DHX40: variants seen among roughly 807,000 people sequenced by gnomAD.
DHX40 encodes the protein probable ATP-dependent RNA helicase DHX40.
A neutral mutation model predicts 89.6 loss-of-function variants in DHX40; 28 were observed. The observed-to-expected ratio is 0.31, with a 90% CI of 0.23 to 0.43. DHX40 has a LOEUF of 0.43. Among genes scored for constraint, DHX40 ranks in the 20% least tolerant of loss-of-function variants. The pLI is 1.00. For missense variants in DHX40, 457 were observed against 844.0 expected, an observed-to-expected ratio of 0.54 and a Z score of 5.68; for synonymous variants, 226 against 283.6, an observed-to-expected ratio of 0.80 and a Z score of 2.04.
chr17:59,590,755 C>G (rs1456242837), intron 12 of DHX40, among the ~76,000 whole-genome samples: 1 of 151,860 alleles, frequency 6.6e-6, no homozygotes, highest in Non-Finnish European at 1.5e-5. Flanking sequence ...CAGGCCTGAG[C>G]CATTGCACCC....
intron 8 of DHX40, among the ~76,000 whole-genome samples, chr17:59,577,726 C>T (rs1166015917): frequency 6.6e-6 from 1 of 152,108 alleles, no homozygotes; most frequent in Non-Finnish European, 1.5e-5. Flanking sequence ...TAGCTGGGAC[C>T]ACAGGCATGT....
intron 5 of DHX40, 98 bp downstream of exon 5, chr17:59,574,065 C>T: frequency 3.9e-6 from 3 of 770,192 alleles, no homozygotes; most frequent in African/African-American, 2.3e-5. Context: ...ATTTTAATGA[C>T]AGTCCTCACA....
chr17:59,570,292 T>C (rs1408250463), intron 2 of DHX40, among the ~76,000 whole-genome samples: 1 of 134,144 alleles, frequency 7.5e-6, no homozygotes, highest in Non-Finnish European at 1.5e-5. Context: ...ATTATATATA[T>C]TTATATATTA....
intron 12 of DHX40, among the ~76,000 whole-genome samples, chr17:59,594,757 C>G (rs1364961954): frequency 6.6e-6 from 1 of 152,020 alleles, no homozygotes; most frequent in African/African-American, 2.4e-5. Flanking sequence ...TCTTCCCTAC[C>G]GAGTAGCATT....
intron 14 of DHX40, among the ~76,000 whole-genome samples, chr17:59,601,052 C>T (rs968501562): frequency 2.0e-5 from 3 of 151,352 alleles, no homozygotes; most frequent in East Asian, 1.9e-4. Context: ...GCCTATAATC[C>T]TAGCACTTTG....
At chr17:59,572,474 G>A (rs1209377723) in intron 3 of DHX40, among the ~76,000 whole-genome samples, 1 of 152,132 alleles carries the variant, frequency 6.6e-6, no homozygotes, top group African/African-American at 2.4e-5. Context: ...CGCCTCTCAG[G>A]CTCAAGCAGT....
At chr17:59,601,258 G>C (rs1011282588) in intron 14 of DHX40, among the ~76,000 whole-genome samples, 2 of 152,066 alleles carry the variant, frequency 1.3e-5, no homozygotes, top group African/African-American at 4.8e-5. Context: ...ACAGTGAGCT[G>C]TGATCACACA....
At chr17:59,600,974 A>G (rs1195849851) in intron 14 of DHX40, among the ~76,000 whole-genome samples, 1 of 148,942 alleles carries the variant, frequency 6.7e-6, no homozygotes, top group Non-Finnish European at 1.5e-5. Flanking sequence ...TTATCATCCC[A>G]TACTATAATA....
chr17:59,607,729 A>G lies in DHX40; in HGVS notation c.*557A>G, dbSNP rs565641855. The G allele has an allele frequency of 1.3e-5, 2 of 154,762 alleles. No individual in the cohort carries two copies. The highest frequency in any genetic ancestry group is 4.8e-5 in the African/African-American group (2 of 41,614). 9.6% of individuals were successfully genotyped at this position (154,762 alleles called of 1,614,324 possible). ...AGATATTTAGAGAAAAGACTTAATC[A>G]ATTAGTAAATAAAATTGCCTATGGC... On this transcript the variant is annotated 3_prime_UTR_variant, in exon 18 of 18. Coordinates refer to ENST00000251241, the MANE Select transcript of DHX40 (RefSeq NM_024612.5).
chr17:59,592,196 A>G (rs1240557791), intron 12 of DHX40, among the ~76,000 whole-genome samples: 1 of 151,820 alleles, frequency 6.6e-6, no homozygotes, highest in Non-Finnish European at 1.5e-5. Flanking sequence ...TAACTTTGAT[A>G]CAATATTATT....
intron 13 of DHX40, 117 bp downstream of exon 13, chr17:59,598,968 A>G: frequency 1.7e-6 from 1 of 597,280 alleles, no homozygotes; most frequent in Admixed American, 3.1e-5. Flanking sequence ...ACTTCAAGGT[A>G]TTTTGAATTT....
intron 3 of DHX40, among the ~76,000 whole-genome samples, chr17:59,571,122 G>A (rs1314254878): frequency 6.6e-6 from 1 of 151,688 alleles, no homozygotes; most frequent in Non-Finnish European, 1.5e-5. Flanking sequence ...ACTTAAAATC[G>A]ACCATTTTAC....
In DHX40 at chr17:59,573,750, T is replaced by G. The variant is rs1315689411; in HGVS notation, c.557T>G (p.Phe186Cys). The G allele has an allele frequency of 6.2e-7, 1 of 1,613,876 alleles. No homozygotes were observed. The highest frequency in any genetic ancestry group is 1.3e-5 in the African/African-American group (1 of 74,906). Reference sequence around the variant, plus strand: ...TTACTTTTCTTTCAGGATATCTTATTTGGTTTATTGAAGAAGCTATTTCAG... The same window carrying G: ...TTACTTTTCTTTCAGGATATCTTATGTGGTTTATTGAAGAAGCTATTTCAG... Reference protein sequence around the residue: ...HERTLTTDILFGLLKKLFQEK... With the variant: ...HERTLTTDILCGLLKKLFQEK... Residue 186 changes from phenylalanine to cysteine, a missense_variant, in exon 5 of 18, where the codon TTT becomes TGT. Physicochemically the swap from Phe to Cys is radical, Grantham distance 205 (BLOSUM62 -2). Around this residue, in one of 9 missense-constraint regions of DHX40, gnomAD observed 116 missense variants for 188.9 expected, o/e 0.61. Transcript: ENST00000251241.
chr17:59,570,160 A>G (rs1324285598), intron 2 of DHX40, among the ~76,000 whole-genome samples: 2 of 126,912 alleles, frequency 1.6e-5, no homozygotes, highest in South Asian at 2.2e-4. Flanking sequence ...TATAATACAT[A>G]TAATATGTTA....
rs751720073 is a variant in DHX40, at chr17:59,587,917, G to C, written c.1446G>C (p.Leu482Phe). 1.9e-6 allele frequency: 3 copies of C among 1,613,164 alleles called. No individual in the cohort carries two copies. The highest frequency in any genetic ancestry group is 2.5e-6 in the Non-Finnish European group (3 of 1,179,570). Reference sequence around the variant, plus strand: ...TAAGGAGTGGCCATGTCACCAGATTGGGTTTGTCTATGGTGGAGTTTCCTT... The same window carrying C: ...TAAGGAGTGGCCATGTCACCAGATTCGGTTTGTCTATGGTGGAGTTTCCTT... ...AIDRSGHVTR[L>F]GLSMVEFPLP... Residue 482 changes from leucine (L) to phenylalanine (F), a missense_variant, in exon 12 of 18, where the codon TTG becomes TTC. Coordinates refer to ENST00000251241, the MANE Select transcript of DHX40 (RefSeq NM_024612.5).
chr17:59,591,578 T>C (rs1238973440), intron 12 of DHX40, among the ~76,000 whole-genome samples: 1 of 150,886 alleles, frequency 6.6e-6, no homozygotes, highest in African/African-American at 2.4e-5. Context: ...CAGTGTGGTG[T>C]TAGCCTTTTT....
intron 12 of DHX40, among the ~76,000 whole-genome samples, chr17:59,598,489 A>G (rs919914370): frequency 2.6e-5 from 4 of 152,058 alleles, no homozygotes; most frequent in Non-Finnish European, 5.9e-5. Flanking sequence ...TACAAATACT[A>G]TTTTTAAAAG....
intron 3 of DHX40, among the ~76,000 whole-genome samples, chr17:59,572,267 G>A (rs903983310): frequency 1.3e-5 from 2 of 152,106 alleles, no homozygotes; most frequent in Non-Finnish European, 2.9e-5. Flanking sequence ...CTATCTTTTT[G>A]CCTTCCTAGT....
chr17:59,570,067 T>A (rs866650751), intron 2 of DHX40, among the ~76,000 whole-genome samples: 14 of 93,618 alleles, frequency 1.5e-4, no homozygotes, highest in African/African-American at 8.2e-4. Context: ...ATACATTATA[T>A]TATAATGTAT....
Sources: allele counts gnomAD v4.1 joint callset (sites outside exome capture counted in the v4.1 genomes callset), GRCh38; gene constraint gnomAD v4.1.1; regional missense constraint gnomAD v4.1.1; transcripts MANE v1.5; gene names NCBI Gene and HGNC (gene_info 2026-07-23, HGNC 2026-07-21).